Variants in RTF2 observed in about 807,000 individuals in gnomAD.
RTF2 encodes UPF0549 protein C20orf43.
RTF2 carries 18 observed loss-of-function variants against 38.0 expected under a neutral mutation model. The observed-to-expected ratio is 0.47, with a 90% CI of 0.33 to 0.70. RTF2 has a LOEUF of 0.70. Among genes scored for constraint, RTF2 ranks in the 30% least tolerant of loss-of-function variants. The pLI, the probability that RTF2 is intolerant of heterozygous loss-of-function variation, is 0.02. For synonymous variants in RTF2, 126 were observed against 137.1 expected, an observed-to-expected ratio of 0.92 and a Z score of 0.57; for missense variants, 311 against 379.6, an observed-to-expected ratio of 0.82 and a Z score of 1.50.
At chr20:56,472,375 GAAA>G (rs1447518870) in intron 1 of RTF2, 4 of 1,547,932 alleles carry the variant, frequency 2.6e-6, no homozygotes, top group Non-Finnish European at 3.5e-6. Context: ...CACAGTGAAG[GAAA>G]AAACAAGAAC....
At chr20:56,507,348 C>G (rs1984346832) in intron 5 of RTF2, among the ~76,000 whole-genome samples, 1 of 152,098 alleles carries the variant, frequency 6.6e-6, no homozygotes, top group South Asian at 2.1e-4. Flanking sequence ...GTGATGGGGC[C>G]CCTAGCAGTT....
chr20:56,496,986 T>A, intron 5 of RTF2: 1 of 1,551,854 alleles, frequency 6.4e-7, no homozygotes, highest in Non-Finnish European at 8.7e-7. Flanking sequence ...GATGGGAAAA[T>A]CCTGTCCACA....
In RTF2 at chr20:56,513,208, T is replaced by A. The variant is rs112344048; in HGVS notation, c.478-107T>A. ...GACCAGAAAGCCGGTAATAGGAATT[T>A]ACTCGGAGCCTGGGGGCCACTGCTT... On this transcript the variant is annotated intron_variant, in intron 5 of 8. Transcript: ENST00000357348. The A allele has an allele frequency of 3.3e-5, 47 of 1,435,574 alleles. No individual in the cohort carries two copies. The African/African-American group carries it at 4.7e-4, about 14-fold the overall frequency. 88.9% of individuals were successfully genotyped at this position (1,435,574 alleles called of 1,614,324 possible).
intron 5 of RTF2, chr20:56,491,366 G>T: frequency 3.5e-6 from 2 of 577,972 alleles, no homozygotes; most frequent in Non-Finnish European, 6.1e-6. Context: ...GAGTTTTTTT[G>T]TCTTGTGATT....
chr20:56,511,319 C>G (rs1984655264), intron 5 of RTF2, among the ~76,000 whole-genome samples: 2 of 152,074 alleles, frequency 1.3e-5, no homozygotes, highest in South Asian at 4.2e-4. Context: ...GAGCACAAAC[C>G]CTGTTGTGAA....
At chr20:56,496,430 C>A (rs1280980263) in intron 5 of RTF2, among the ~76,000 whole-genome samples, 1 of 152,088 alleles carries the variant, frequency 6.6e-6, no homozygotes, top group Non-Finnish European at 1.5e-5. Context: ...CGCCTGTAAT[C>A]CCAGCTACTG....
Position 56,484,094 on chromosome 20 carries a change from C to T in RTF2, c.399-17C>T, listed in dbSNP as rs1982659681. On this transcript the variant is annotated splice_polypyrimidine_tract_variant and intron_variant, in intron 4 of 8. Coordinates refer to ENST00000357348, the MANE Select transcript of RTF2 (RefSeq NM_016407.5). ...TGTGATTAATACAGTCCTTCCCCCACTGGGTTATTTCTCCAGGTTCTGCTT... is the reference window on the plus strand; with the variant it reads ...TGTGATTAATACAGTCCTTCCCCCATTGGGTTATTTCTCCAGGTTCTGCTT... 2 of 1,612,400 alleles carry T rather than the reference C, an allele frequency of 1.2e-6. No individual in the cohort carries two copies. Among genetic ancestry groups the T allele is most frequent in the Non-Finnish European group, 1.7e-6 (2 of 1,178,494 alleles).
chr20:56,482,474 T>G (rs1982574538), intron 4 of RTF2, among the ~76,000 whole-genome samples: 1 of 152,266 alleles, frequency 6.6e-6, no homozygotes, highest in Non-Finnish European at 1.5e-5. Flanking sequence ...GTTGAATTGA[T>G]AGATGCGGAA....
At chr20:56,497,276 C>T in intron 5 of RTF2, 4 of 1,551,374 alleles carry the variant, frequency 2.6e-6, no homozygotes, top group Non-Finnish European at 3.5e-6. Context: ...TAATATATGC[C>T]AAAGAGAAAT....
chr20:56,491,775 C>T (rs374906641), intron 5 of RTF2: 21 of 1,550,624 alleles, frequency 1.4e-5, no homozygotes, highest in Middle Eastern at 1.7e-4. Flanking sequence ...ATGTCTTCGA[C>T]GTAGCGGCCT....
In RTF2 at chr20:56,476,069, T is replaced by A. The variant is rs6123596; in HGVS notation, c.259-916T>A. Among the ~76,000 whole-genome samples, 4,216 of 152,276 alleles carry A rather than the reference T, an allele frequency of 0.028. 344 individuals carry two copies. In the East Asian group the frequency reaches 0.3, roughly 11 times the overall value. ...GAAGTCAAAATGGTCTCATTAAATATGAAGAAATGCCTCGAATGCAAAAGT... is the reference window on the plus strand; with the variant it reads ...GAAGTCAAAATGGTCTCATTAAATAAGAAGAAATGCCTCGAATGCAAAAGT... On this transcript the variant is annotated intron_variant, in intron 3 of 8. Coordinates refer to ENST00000357348, the MANE Select transcript of RTF2 (RefSeq NM_016407.5).
At chr20:56,472,493 C>T (rs918492318) in intron 1 of RTF2, 12 of 792,598 alleles carry the variant, frequency 1.5e-5, no homozygotes, top group African/African-American at 6.9e-5. Context: ...TTTGATGTAT[C>T]CCTTAGTGAA....
At chr20:56,509,170 T>C (rs900957120) in intron 5 of RTF2, among the ~76,000 whole-genome samples, 5 of 152,138 alleles carry the variant, frequency 3.3e-5, no homozygotes, top group African/African-American at 9.7e-5. Context: ...AATTAAGAAA[T>C]GGACCAGGGA....
chr20:56,510,645 A>G (rs112930045), intron 5 of RTF2, among the ~76,000 whole-genome samples: 26 of 152,326 alleles, frequency 1.7e-4, no homozygotes, highest in African/African-American at 6.3e-4. Flanking sequence ...AATCAATGAA[A>G]TCTTTAAACT....
intron 3 of RTF2, 34 bp from the exon 4 acceptor site, chr20:56,476,951 A>G (rs751292225): frequency 1.9e-6 from 3 of 1,609,216 alleles, no homozygotes; most frequent in East Asian, 4.5e-5. Flanking sequence ...CTGTTTATCA[A>G]ATGAATTGTT....
intron 5 of RTF2, among the ~76,000 whole-genome samples, chr20:56,496,376 T>A (rs142024554): frequency 6.6e-6 from 1 of 152,028 alleles, no homozygotes; most frequent in Non-Finnish European, 1.5e-5. Context: ...AGACAAACAC[T>A]GTCTCTACTA....
intron 6 of RTF2, chr20:56,516,263 A>G (rs1481096904): frequency 2.0e-5 from 3 of 152,240 alleles, no homozygotes; most frequent in Non-Finnish European, 4.4e-5. Flanking sequence ...TTAAATGAAC[A>G]TAGTCCTACT....
Position 56,507,112 on chromosome 20 carries a change from C to T in RTF2, c.478-6203C>T, listed in dbSNP as rs147124373. Among the ~76,000 whole-genome samples, 431 of 152,256 alleles carry T rather than the reference C, an allele frequency of 2.8e-3. 4 individuals carry two copies. Among genetic ancestry groups the T allele is most frequent in the Non-Finnish European group, 5.2e-3 (352 of 68,022 alleles). ...ATGTATAATTTCTACCGTACAATAG[C>T]AGTACTCAAGAAAAATGCATTAGCA... On this transcript the variant is annotated intron_variant, in intron 5 of 8. Transcript: ENST00000357348.
Position 56,517,093 on chromosome 20 carries a change from G to C in RTF2, c.647-13G>C, listed in dbSNP as rs779915533. On this transcript the variant is annotated splice_polypyrimidine_tract_variant and intron_variant, in intron 7 of 8. Transcript: ENST00000357348. ...GCATTGTTTTTGCTTTGCCTACTTT[G>C]TTTCTTTTACAGAAGCCCCAGGGCC... is the stretch of plus-strand genomic sequence containing the variant. 6.2e-6 allele frequency: 10 copies of C among 1,613,908 alleles called. No homozygotes were observed. Among genetic ancestry groups the C allele is most frequent in the Non-Finnish European group, 8.5e-6 (10 of 1,179,856 alleles).
Sources: gnomAD v4.1 joint callset for allele counts (sites outside exome capture counted in the v4.1 genomes callset) on GRCh38, gnomAD v4.1.1 for gene constraint, MANE v1.5 for transcripts, NCBI Gene and HGNC (gene_info 2026-07-23, HGNC 2026-07-21) for gene names.